Variants in GNB1 observed in about 807,000 individuals in gnomAD.
GNB1 encodes the protein G protein subunit beta 1.
A neutral mutation model predicts 42.9 loss-of-function variants in GNB1; 2 were observed. That is an observed-to-expected ratio of 0.05 (90% CI 0.02 to 0.15). The LOEUF (loss-of-function observed/expected upper bound fraction) is 0.15, where lower values mean the gene tolerates loss of function less well. GNB1 is among the 10% of genes least tolerant of loss of function. The probability of loss-of-function intolerance (pLI) is 1.00; values close to 1 mark genes in which losing one functional copy is unlikely to be tolerated. For synonymous variants in GNB1, 183 were observed against 174.7 expected, an observed-to-expected ratio of 1.05 and a Z score of -0.38; for missense variants, 193 against 462.2, an observed-to-expected ratio of 0.42 and a Z score of 5.34.
intron 5 of GNB1, among the ~76,000 whole-genome samples, chr1:1,813,491 T>G (rs988944779): frequency 2.6e-5 from 4 of 152,200 alleles, no homozygotes; most frequent in African/African-American, 9.7e-5. Flanking sequence ...CTTATTTACT[T>G]ATTTATTTAG....
At chr1:1,861,840 C>T (rs1215834410) in intron 1 of GNB1, among the ~76,000 whole-genome samples, 1 of 152,138 alleles carries the variant, frequency 6.6e-6, no homozygotes, top group Non-Finnish European at 1.5e-5. Flanking sequence ...ACCTGAATCC[C>T]CCCATGAGGC....
chr1:1,826,102 C>T (rs1241819713), intron 2 of GNB1, among the ~76,000 whole-genome samples: 1 of 151,970 alleles, frequency 6.6e-6, no homozygotes, highest in Non-Finnish European at 1.5e-5. Context: ...TCTAGGTCTC[C>T]CTATAAATCC....
chr1:1,819,997 G>A (rs1044982748), intron 3 of GNB1, among the ~76,000 whole-genome samples: 1 of 152,168 alleles, frequency 6.6e-6, no homozygotes, highest in Non-Finnish European at 1.5e-5. Flanking sequence ...GGCTTTTGGG[G>A]CAAACTGCTC....
chr1:1,886,474 TTC>T (rs564395557), intron 1 of GNB1, among the ~76,000 whole-genome samples: 3 of 152,206 alleles, frequency 2.0e-5, no homozygotes, highest in South Asian at 4.1e-4. Flanking sequence ...GATGTTGCAT[TTC>T]TCTCTCTTCA....
intron 2 of GNB1, 28 bp from the exon 3 acceptor site, chr1:1,825,527 T>C (rs1646986620): frequency 9.4e-7 from 1 of 1,062,972 alleles, no homozygotes; most frequent in African/African-American, 1.5e-5. Flanking sequence ...GCACAATCAA[T>C]AAACAACTGT....
intron 5 of GNB1, among the ~76,000 whole-genome samples, chr1:1,810,069 C>CA (rs199541737): frequency 4.6e-4 from 70 of 150,792 alleles, no homozygotes; most frequent in Middle Eastern, 3.4e-3. Context: ...CCTGTCTCCA[C>CA]AAAAAAATAT....
chr1:1,819,098 G>C (rs752478305), intron 3 of GNB1, among the ~76,000 whole-genome samples: 1 of 151,976 alleles, frequency 6.6e-6, no homozygotes, highest in Non-Finnish European at 1.5e-5. Flanking sequence ...CTAGAAAATA[G>C]ACCTGGAAAT....
intron 1 of GNB1, among the ~76,000 whole-genome samples, chr1:1,841,821 C>A (rs1326179959): frequency 6.6e-6 from 1 of 152,172 alleles, no homozygotes; most frequent in East Asian, 1.9e-4. Context: ...CACAGAATTA[C>A]CCCATAACCC....
At chr1:1,788,876 A>G (rs1235485767) in intron 10 of GNB1, 177 bp downstream of exon 10, 45 of 583,572 alleles carry the variant, frequency 7.7e-5, no homozygotes, top group East Asian at 6.3e-4. Context: ...TACTCCTCGG[A>G]GTCCACTTGC....
chr1:1,827,730 A>G (rs1647018786), intron 2 of GNB1, among the ~76,000 whole-genome samples: 1 of 152,164 alleles, frequency 6.6e-6, no homozygotes, highest in African/African-American at 2.4e-5. Flanking sequence ...ACACATGATC[A>G]AATTATATTA....
chr1:1,852,014 G>C (rs1391844989), intron 1 of GNB1, among the ~76,000 whole-genome samples: 1 of 151,902 alleles, frequency 6.6e-6, no homozygotes, highest in East Asian at 1.9e-4. Flanking sequence ...TTGCACTCCA[G>C]CCTGGGCAAC....
At chr1:1,820,356 TAAA>T (rs35466451) in intron 3 of GNB1, among the ~76,000 whole-genome samples, 6 of 101,870 alleles carry the variant, frequency 5.9e-5, no homozygotes, top group East Asian at 2.9e-4. Flanking sequence ...AGACTCTGTT[TAAA>T]AAAAAAAAAA....
At chr1:1,887,001 C>T (rs1650193624) in intron 1 of GNB1, among the ~76,000 whole-genome samples, 1 of 152,168 alleles carries the variant, frequency 6.6e-6, no homozygotes, top group Admixed American at 6.5e-5. Context: ...GTGTGAGCCA[C>T]CACGCCCGGT....
At chr1:1,811,892 T>C (rs902196047) in intron 5 of GNB1, among the ~76,000 whole-genome samples, 5 of 150,572 alleles carry the variant, frequency 3.3e-5, no homozygotes, top group Middle Eastern at 6.9e-3. Context: ...GGTGAAACCC[T>C]GTCTCTACTA....
intron 7 of GNB1, among the ~76,000 whole-genome samples, chr1:1,802,468 A>G (rs1646638405): frequency 6.6e-6 from 1 of 152,200 alleles, no homozygotes; most frequent in African/African-American, 2.4e-5. Flanking sequence ...ACATTGAATG[A>G]TAATTAAAAT....
intron 1 of GNB1, among the ~76,000 whole-genome samples, chr1:1,851,782 G>A (rs1647996249): frequency 6.6e-6 from 1 of 152,044 alleles, no homozygotes; most frequent in South Asian, 2.1e-4. Flanking sequence ...AGCGGCTCAC[G>A]CCTATAATCC....
At chr1:1,794,040 A>T (rs1646515498) in intron 7 of GNB1, 1 of 152,210 alleles carries the variant, frequency 6.6e-6, no homozygotes, top group South Asian at 2.1e-4. Context: ...TTTCTTGGGG[A>T]CAGTGGCTGT....
intron 1 of GNB1, among the ~76,000 whole-genome samples, chr1:1,857,289 T>G (rs1178247961): frequency 6.6e-6 from 1 of 151,068 alleles, no homozygotes; most frequent in East Asian, 2.0e-4. Context: ...AAGAACCCAG[T>G]CTCGGATGGC....
chr1:1,861,922 C>T (rs1470222992), intron 1 of GNB1, among the ~76,000 whole-genome samples: 3 of 152,074 alleles, frequency 2.0e-5, no homozygotes, highest in Non-Finnish European at 2.9e-5. Context: ...CAAGGGAGGC[C>T]GGGCGCAGTG....
Sources: gnomAD v4.1 joint callset for allele counts (sites outside exome capture counted in the v4.1 genomes callset) on GRCh38, gnomAD v4.1.1 for gene constraint, MANE v1.5 for transcripts, NCBI Gene and HGNC (gene_info 2026-07-23, HGNC 2026-07-21) for gene names.